Variants in CEP128 observed in about 807,000 individuals in gnomAD.
CEP128 encodes the protein centrosomal protein 128, also known as centrosomal protein 128kDa.
CEP128 carries 132 observed loss-of-function variants against 156.7 expected under a neutral mutation model. That is an observed-to-expected ratio of 0.84 (90% CI 0.73 to 0.97). The LOEUF (loss-of-function observed/expected upper bound fraction) is 0.97. Ranked by LOEUF, CEP128 falls within the 50% of genes least tolerant of loss-of-function variation. CEP128 has a pLI of 0.00. For synonymous variants in CEP128, 469 were observed against 448.9 expected, an observed-to-expected ratio of 1.04 and a Z score of -0.57; for missense variants, 1,252 against 1,281.9, an observed-to-expected ratio of 0.98 and a Z score of 0.36.
intron 19 of CEP128, among the ~76,000 whole-genome samples, chr14:80,677,508 CAAAAAA>C (rs57636757): frequency 3.2e-5 from 3 of 94,062 alleles, no homozygotes; most frequent in South Asian, 7.3e-4. Context: ...GACTCCGTCT[CAAAAAA>C]AAAAAAAAAA....
intron 6 of CEP128, among the ~76,000 whole-genome samples, chr14:80,902,435 A>G (rs1017664125): frequency 6.6e-6 from 1 of 152,204 alleles, no homozygotes; most frequent in African/African-American, 2.4e-5. Context: ...GTGTTTCCTA[A>G]TGCATTTGAT....
intron 2 of CEP128, among the ~76,000 whole-genome samples, chr14:80,917,200 G>GTAGATAATTCTCTAAACA (rs1884611743): frequency 6.6e-6 from 1 of 152,132 alleles, no homozygotes; most frequent in African/African-American, 2.4e-5. Context: ...ATATGCATCA[G>GTAGATAATTCTCTAAACA]TAGATAATTC....
chr14:80,642,463 G>C (rs190218965), intron 19 of CEP128, among the ~76,000 whole-genome samples: 15 of 152,214 alleles, frequency 9.9e-5, no homozygotes, highest in African/African-American at 3.1e-4. Flanking sequence ...CAGGAAGACT[G>C]CTTGAGGCCA....
intron 19 of CEP128, among the ~76,000 whole-genome samples, chr14:80,694,767 G>C (rs1323759818): frequency 6.7e-6 from 1 of 149,400 alleles, no homozygotes; most frequent in East Asian, 2.0e-4. Context: ...GGGGCAAGGG[G>C]AAGGGGAGCA....
chr14:80,670,604 G>A (rs1895800159), intron 19 of CEP128, among the ~76,000 whole-genome samples: 1 of 152,148 alleles, frequency 6.6e-6, no homozygotes, highest in African/African-American at 2.4e-5. Context: ...ATAGAGTGTG[G>A]AATAATAGAT....
chr14:80,683,409 G>T (rs1896400399), intron 19 of CEP128, among the ~76,000 whole-genome samples: 1 of 150,594 alleles, frequency 6.6e-6, no homozygotes, highest in African/African-American at 2.5e-5. Context: ...CATCCAACAA[G>T]AAGACTTACC....
intron 19 of CEP128, among the ~76,000 whole-genome samples, chr14:80,615,942 T>C (rs899729044): frequency 2.6e-5 from 4 of 152,290 alleles, no homozygotes; most frequent in South Asian, 2.1e-4. Context: ...GAGAAATAGA[T>C]TGTCTCGATT....
chr14:80,914,224 A>C (rs1884414470), intron 4 of CEP128, 98 bp downstream of exon 4: 1 of 818,030 alleles, frequency 1.2e-6, no homozygotes, highest in Non-Finnish European at 2.1e-6. Context: ...AAAGCACTTC[A>C]CAATGGTTTT....
At chr14:80,493,747 G>A (rs1411721779), downstream of CEP128, among the ~76,000 whole-genome samples, 2 of 152,190 alleles carry the variant, frequency 1.3e-5, no homozygotes, top group Non-Finnish European at 2.9e-5. Flanking sequence ...AACAATAGGG[G>A]CTATCCTGGT....
At chr14:80,486,176 G>A (rs1223855661), downstream of CEP128, among the ~76,000 whole-genome samples, 1 of 152,150 alleles carries the variant, frequency 6.6e-6, no homozygotes, top group Non-Finnish European at 1.5e-5. Flanking sequence ...GTCCTTAAAG[G>A]AGCTAATGGA....
chr14:80,560,689 C>G (rs772138412), intron 20 of CEP128, among the ~76,000 whole-genome samples: 3 of 152,060 alleles, frequency 2.0e-5, no homozygotes, highest in African/African-American at 7.2e-5. Context: ...GAATATAAAG[C>G]AGGCAGAGAA....
intron 15 of CEP128, among the ~76,000 whole-genome samples, chr14:80,782,502 T>C (rs1381109703): frequency 1.3e-5 from 2 of 152,200 alleles, no homozygotes; most frequent in Non-Finnish European, 2.9e-5. Context: ...CCAGTCTTCA[T>C]ACCAGTTTTC....
intron 19 of CEP128, among the ~76,000 whole-genome samples, chr14:80,618,173 A>C (rs1893308600): frequency 6.6e-6 from 1 of 152,336 alleles, no homozygotes; most frequent in Non-Finnish European, 1.5e-5. Flanking sequence ...CTTTTGCTTC[A>C]ATTTTTTTCG....
chr14:80,789,519 C>A (rs999982566), intron 14 of CEP128, among the ~76,000 whole-genome samples: 1 of 152,036 alleles, frequency 6.6e-6, no homozygotes. Context: ...CTAAGGATGA[C>A]GGCAAGAATT....
In CEP128 at chr14:80,519,473, A is replaced by G. The variant is rs78323009; in HGVS notation, c.3072+7396T>C. On this transcript the variant is annotated intron_variant, in intron 23 of 24. Transcript: ENST00000555265. ...AATTTGTCCAGCCCTTCCCCTGGAGAGAAGGAACAAACACGTATGTATTTC... is the reference window on the plus strand; with the variant it reads ...AATTTGTCCAGCCCTTCCCCTGGAGGGAAGGAACAAACACGTATGTATTTC... 1.1e-3 allele frequency among the ~76,000 whole-genome samples: 160 copies of G among 152,312 alleles called. 4 individuals carry two copies. The East Asian group carries it at 0.022, about 21-fold the overall frequency.
At chr14:80,836,449 G>A in intron 11 of CEP128, 112 bp from the exon 12 acceptor site, 3 of 1,135,892 alleles carry the variant, frequency 2.6e-6, no homozygotes, top group Non-Finnish European at 2.6e-6. Context: ...TCCAAGCATA[G>A]TGGAACGGTT....
intron 15 of CEP128, among the ~76,000 whole-genome samples, chr14:80,782,917 C>T (rs972219074): frequency 6.6e-6 from 1 of 152,076 alleles, no homozygotes; most frequent in African/African-American, 2.4e-5. Context: ...TTGCTAGGCC[C>T]TTTTAGTAAA....
intron 10 of CEP128, among the ~76,000 whole-genome samples, chr14:80,839,533 G>A (rs896521327): frequency 6.6e-6 from 1 of 151,874 alleles, no homozygotes; most frequent in African/African-American, 2.4e-5. Context: ...AAATACAAAT[G>A]AGTTATATAT....
chr14:80,780,398 C>T (rs893947311), intron 15 of CEP128, among the ~76,000 whole-genome samples: 3 of 151,842 alleles, frequency 2.0e-5, no homozygotes, highest in Non-Finnish European at 4.4e-5. Context: ...GTGATTTTTC[C>T]TTAAGGGTAA....
Sources: allele counts gnomAD v4.1 joint callset (sites outside exome capture counted in the v4.1 genomes callset), GRCh38; gene constraint gnomAD v4.1.1; transcripts MANE v1.5; gene names NCBI Gene and HGNC (gene_info 2026-07-23, HGNC 2026-07-21).